Variants in ITGA11 observed in about 807,000 individuals in gnomAD.
The protein encoded by ITGA11 is integrin alpha-11.
A neutral mutation model predicts 141.9 loss-of-function variants in ITGA11; 97 were observed. That is an observed-to-expected ratio of 0.68 (90% CI 0.58 to 0.81). The LOEUF is 0.81. ITGA11 is among the 30% of genes least tolerant of loss of function. ITGA11 has a pLI of 0.00. For synonymous variants in ITGA11, 658 were observed against 624.6 expected (o/e 1.05, Z -0.80); for missense variants, 1,387 against 1,559.2 (o/e 0.89, Z 1.86).
rs371043254 is a variant in ITGA11 at position 68,377,354 on chromosome 15, C to T, written c.165-8070G>A. 1.5e-4 allele frequency among the ~76,000 whole-genome samples: 23 copies of T among 152,270 alleles called. No homozygotes were observed. The East Asian group carries it at 2.3e-3, about 15-fold the overall frequency. On this transcript the variant is annotated intron_variant, in intron 2 of 29. Transcript: ENST00000315757. ...TGGTGGGATCTCAGCTCACTGCAAC[C>T]TCCACCCCGCTGGGTTCAAGCAATT...
chr15:68,420,328 A>G (rs1389592870), intron 1 of ITGA11, among the ~76,000 whole-genome samples: 2 of 152,168 alleles, frequency 1.3e-5, no homozygotes, highest in Admixed American at 1.3e-4. Context: ...TCCTTGTGTC[A>G]TCTCAGAGTC....
rs1357850002 is a variant in ITGA11 at position 68,330,970 on chromosome 15, G to C, written c.1901+11C>G. On this transcript the variant is annotated intron_variant, in intron 15 of 29. Coordinates refer to ENST00000315757, the MANE Select transcript of ITGA11 (RefSeq NM_001004439.2). The stretch of plus-strand genomic sequence containing the variant: ...GAGAGCCCAGGAGGTGGGAACAGCG[G>C]GGGAACCAACCACAGAATCACAGCG... The C allele has an allele frequency of 1.9e-6, 3 of 1,613,410 alleles. No homozygotes were observed. Among genetic ancestry groups the C allele is most frequent in the Admixed American group, 1.7e-5 (1 of 60,000 alleles).
chr15:68,336,151 C>T, intron 11 of ITGA11: 1 of 423,088 alleles, frequency 2.4e-6, no homozygotes, highest in South Asian at 2.7e-5. Flanking sequence ...CACATCCCTC[C>T]TTCACCTGCT....
At position 68,321,280 on chromosome 15, in the gene ITGA11, G is replaced by T; in HGVS notation, c.2408+138C>A. The T allele has an allele frequency of 4.2e-6, 2 of 480,228 alleles. No homozygotes were observed. Among genetic ancestry groups the T allele is most frequent in the Non-Finnish European group, 7.4e-6 (2 of 269,098 alleles). The allele number at this position is 480,228 out of a possible 1,614,324, so 29.7% of individuals were successfully genotyped here. A position where few individuals can be genotyped will look rare whatever the true frequency, so the allele number is the denominator to read the frequency against. On this transcript the variant is annotated intron_variant, in intron 19 of 29. Coordinates refer to ENST00000315757, the MANE Select transcript of ITGA11 (RefSeq NM_001004439.2). This position sits in a 1 kb window ranked among gnomAD's most constrained non-coding sequence, Gnocchi z 4.9. The stretch of plus-strand genomic sequence containing the variant: ...TTGGTGGCAGAGCCTGGGCTAGAAC[G>T]CAGGCTCCAAGTGCAATGTTTGATC...
chr15:68,353,425 A>T (rs1463486940), intron 7 of ITGA11, among the ~76,000 whole-genome samples: 1 of 152,122 alleles, frequency 6.6e-6, no homozygotes, highest in African/African-American at 2.4e-5. Context: ...TTCCAAGGGG[A>T]TTCTAGATGC....
intron 2 of ITGA11, among the ~76,000 whole-genome samples, chr15:68,383,234 G>A (rs575714291): frequency 2.7e-5 from 4 of 150,260 alleles, no homozygotes; most frequent in African/African-American, 7.4e-5. Flanking sequence ...TCATGCCACC[G>A]CACTCCAGCC....
intron 24 of ITGA11, 126 bp downstream of exon 24, chr15:68,312,647 A>G: frequency 1.5e-6 from 1 of 670,760 alleles, no homozygotes; most frequent in Non-Finnish European, 2.6e-6. Context: ...AAAGTCGCAC[A>G]GTGGGTGGGT....
At chr15:68,418,163 C>CA (rs1896931193) in intron 1 of ITGA11, among the ~76,000 whole-genome samples, 1 of 152,214 alleles carries the variant, frequency 6.6e-6, no homozygotes, top group Admixed American at 6.5e-5. Flanking sequence ...TATCCCATCC[C>CA]AAGAGCCAGA....
intron 7 of ITGA11, among the ~76,000 whole-genome samples, chr15:68,351,687 T>A (rs1413873476): frequency 1.3e-5 from 2 of 151,878 alleles, no homozygotes; most frequent in East Asian, 3.9e-4. Flanking sequence ...AGGGATGAGG[T>A]GGACCTGGGA....
chr15:68,387,615 G>A (rs1896017663), intron 2 of ITGA11, among the ~76,000 whole-genome samples: 1 of 152,142 alleles, frequency 6.6e-6, no homozygotes, highest in African/African-American at 2.4e-5. Context: ...GCAGAGACTG[G>A]AGATTTTCTG....
intron 1 of ITGA11, among the ~76,000 whole-genome samples, chr15:68,410,814 C>A (rs1446097711): frequency 6.6e-6 from 1 of 152,280 alleles, no homozygotes; most frequent in South Asian, 2.1e-4. Flanking sequence ...GGTGAGGGGA[C>A]GTGGTCCCTA....
In ITGA11 at chr15:68,361,529, G is replaced by A. The variant is rs779452622; in HGVS notation, c.472+61C>T. ...CTAGCCACAGGTTGTTGTGCTCAGG[G>A]CCCAAGTCTCTCTGGACTGTCCACT... On this transcript the variant is annotated intron_variant, in intron 5 of 29. Coordinates refer to ENST00000315757, the MANE Select transcript of ITGA11 (RefSeq NM_001004439.2). The A allele has an allele frequency of 2.3e-5, 26 of 1,116,886 alleles. No individual in the cohort carries two copies. The South Asian group carries it at 3.1e-4, about 13-fold the overall frequency. The allele number at this position is 1,116,886 out of a possible 1,614,324, so 69.2% of individuals were successfully genotyped here.
chr15:68,387,638 T>C (rs1428489074), intron 2 of ITGA11, among the ~76,000 whole-genome samples: 1 of 152,178 alleles, frequency 6.6e-6, no homozygotes, highest in Non-Finnish European at 1.5e-5. Context: ...TGTGTTAATG[T>C]ATATTATAAA....
intron 3 of ITGA11, chr15:68,365,538 G>C (rs1413083774): frequency 2.0e-5 from 1 of 50,044 alleles, no homozygotes; most frequent in African/African-American, 7.3e-5. Flanking sequence ...TTCCCCAGAA[G>C]TGTGTTGGGG....
chr15:68,317,999 T>C (rs1893653713), intron 20 of ITGA11, among the ~76,000 whole-genome samples: 1 of 152,184 alleles, frequency 6.6e-6, no homozygotes, highest in African/African-American at 2.4e-5. Context: ...GCTGTGTTTT[T>C]GCATGTGTGT....
intron 2 of ITGA11, among the ~76,000 whole-genome samples, chr15:68,395,902 A>G (rs1432389737): frequency 6.6e-6 from 1 of 151,402 alleles, no homozygotes; most frequent in South Asian, 2.1e-4. Flanking sequence ...AGTTGAATCT[A>G]TAATGAGAAA....
At chr15:68,310,223 G>A (rs543382297) in intron 26 of ITGA11, among the ~76,000 whole-genome samples, 1 of 152,282 alleles carries the variant, frequency 6.6e-6, no homozygotes, top group Admixed American at 6.5e-5. Context: ...GGATTAAGTG[G>A]AGAAACTAAC....
rs746795411 is a variant in ITGA11, at chr15:68,335,681, G to A, written c.1425+16C>T. 7 of 1,612,588 alleles carry A rather than the reference G, an allele frequency of 4.3e-6. No homozygotes were observed. The highest frequency in any genetic ancestry group is 1.7e-5 in the Admixed American group (1 of 59,854). Reference sequence around the variant, plus strand: ...CCTCTTCCCTCCATCCCGGCCCCAGGCTCCCCCTCCATTACCTGCTGGCCC... The same window carrying A: ...CCTCTTCCCTCCATCCCGGCCCCAGACTCCCCCTCCATTACCTGCTGGCCC... On this transcript the variant is annotated intron_variant, in intron 12 of 29. Transcript: ENST00000315757. This position sits in a 1 kb window ranked among gnomAD's most constrained non-coding sequence, Gnocchi z 4.9.
Position 68,311,282 on chromosome 15 carries a change from A to G in ITGA11, c.3087+8T>C. 1 of 1,549,198 alleles carries G rather than the reference A, an allele frequency of 6.5e-7. No individual in the cohort carries two copies. The highest frequency in any genetic ancestry group is 8.8e-7 in the Non-Finnish European group (1 of 1,141,768). On this transcript the variant is annotated splice_region_variant and intron_variant, in intron 25 of 29. Coordinates refer to ENST00000315757, the MANE Select transcript of ITGA11 (RefSeq NM_001004439.2). ...CCTCCCCTAGCCGGCTCCCAAGGCC[A>G]TCACCACCTCGTCCGTGAGGAAGTC... is the stretch of plus-strand genomic sequence containing the variant.
Sources: allele counts gnomAD v4.1 joint callset (sites outside exome capture counted in the v4.1 genomes callset), GRCh38; gene constraint gnomAD v4.1.1; non-coding constraint Gnocchi (gnomAD v3.1); transcripts MANE v1.5; gene names NCBI Gene and HGNC (gene_info 2026-07-23, HGNC 2026-07-21).